FLT1: variants seen among roughly 807,000 people sequenced by gnomAD.
FLT1 encodes the protein fms related receptor tyrosine kinase 1.
A neutral mutation model predicts 156.3 loss-of-function variants in FLT1; 49 were observed. The ratio of observed to expected loss-of-function variants is 0.31; its 90% CI spans 0.25 to 0.40. FLT1 has a LOEUF of 0.40. FLT1 is among the 10% of genes least tolerant of loss of function. The probability of loss-of-function intolerance (pLI) is 1.00; values close to 1 mark genes in which losing one functional copy is unlikely to be tolerated. For synonymous variants in FLT1, 594 were observed against 583.8 expected, an observed-to-expected ratio of 1.02 and a Z score of -0.25; for missense variants, 1,322 against 1,637.2, an observed-to-expected ratio of 0.81 and a Z score of 3.32.
intron 28 of FLT1, among the ~76,000 whole-genome samples, chr13:28,307,588 C>T (rs1870802085): frequency 6.6e-6 from 1 of 151,848 alleles, no homozygotes; most frequent in African/African-American, 2.4e-5. Flanking sequence ...ATTTTTGATG[C>T]TTAAAATATT....
intron 15 of FLT1, among the ~76,000 whole-genome samples, chr13:28,354,165 A>G (rs922995067): frequency 6.6e-6 from 1 of 152,236 alleles, no homozygotes. Context: ...TCCCATTTCA[A>G]TTATAAAATT....
chr13:28,329,169 A>AC (rs1339644274), intron 19 of FLT1, among the ~76,000 whole-genome samples: 18 of 151,996 alleles, frequency 1.2e-4, no homozygotes, highest in African/African-American at 4.1e-4. Flanking sequence ...CTCTGTCCCT[A>AC]CCCCCTTGGG....
intron 12 of FLT1, among the ~76,000 whole-genome samples, chr13:28,392,043 G>A (rs547386637): frequency 2.0e-5 from 3 of 152,272 alleles, no homozygotes; most frequent in South Asian, 2.1e-4. Flanking sequence ...ACCTTTAAAC[G>A]TTAAGGGGAC....
In FLT1 at chr13:28,494,792, G is replaced by T; in HGVS notation, c.52C>A (p.Leu18Met). The change falls in exon 1 of 30, where the codon CTG becomes ATG. Residue 18 changes from leucine to methionine, a missense_variant. By Grantham distance (15) the Leu-to-Met change is conservative. This residue lies in a region of FLT1 where 991 missense variants were observed against 1,254.8 expected (regional missense o/e 0.79). Coordinates refer to ENST00000282397, the MANE Select transcript of FLT1 (RefSeq NM_002019.4). ...AGCCGCGCCTCACCTGTGAGAAGCA[G>T]ACAGCTGAGCAGCGCGCACAGCAGG... ...GVLLCALLSC[L>M]LLTGSSSGSK... 6.4e-7 allele frequency: 1 copy of T among 1,573,754 alleles called. No homozygotes were observed.
chr13:28,377,803 T>G (rs945287951), intron 14 of FLT1, among the ~76,000 whole-genome samples: 6 of 152,190 alleles, frequency 3.9e-5, no homozygotes, highest in Admixed American at 3.3e-4. Flanking sequence ...TAAAAATGCT[T>G]TATGTGTTTT....
In FLT1 at chr13:28,311,627, C is replaced by T. The variant is rs770692157; in HGVS notation, c.3598G>A (p.Ala1200Thr). 6.2e-7 allele frequency: 1 copy of T among 1,613,780 alleles called. No individual in the cohort carries two copies. Among genetic ancestry groups the T allele is most frequent in the East Asian group, 2.2e-5 (1 of 44,844 alleles). Reference protein sequence around the residue: ...SEDFFKESISAPKFNSGSSDD... With the variant: ...SEDFFKESISTPKFNSGSSDD... ...GAGCTTCCTGAATTAAACTTCGGAG[C>T]TGAAATACTTTCCTTGAAGAAGTCC... Residue 1200 changes from alanine to threonine, a missense_variant, in exon 27 of 30, where the codon GCT (alanine) becomes ACT (threonine). By Grantham distance (58) the Ala-to-Thr change is moderately conservative. Around this residue, in one of 3 missense-constraint regions of FLT1, gnomAD observed 329 missense variants for 366.2 expected, o/e 0.90. Transcript: ENST00000282397.
intron 15 of FLT1, among the ~76,000 whole-genome samples, chr13:28,356,655 G>A (rs1004244020): frequency 6.6e-6 from 1 of 152,108 alleles, no homozygotes; most frequent in African/African-American, 2.4e-5. Context: ...AGTTTCAGGG[G>A]GAAAAAAACT....
chr13:28,351,788 CACCT>C (rs2138866379), intron 15 of FLT1, among the ~76,000 whole-genome samples: 1 of 152,344 alleles, frequency 6.6e-6, no homozygotes, highest in African/African-American at 2.4e-5. Context: ...TGGCTTAGAA[CACCT>C]TTTAGGTGAC....
chr13:28,304,694 C>T (rs539418070), intron 29 of FLT1, among the ~76,000 whole-genome samples: 46 of 152,226 alleles, frequency 3.0e-4, no homozygotes, highest in African/African-American at 7.2e-4. Flanking sequence ...TTCTTCCTCA[C>T]GCCCTCCAGC....
intron 29 of FLT1, among the ~76,000 whole-genome samples, chr13:28,303,624 G>A (rs1213684092): frequency 6.6e-6 from 1 of 151,898 alleles, no homozygotes; most frequent in Admixed American, 6.6e-5. Flanking sequence ...ATAAGATAAC[G>A]CAAATCCATA....
intron 18 of FLT1, among the ~76,000 whole-genome samples, chr13:28,331,449 G>A (rs549275433): frequency 1.3e-5 from 2 of 152,278 alleles, no homozygotes; most frequent in South Asian, 4.1e-4. Context: ...CTTTTGTTTT[G>A]AGACGGAGTC....
intron 24 of FLT1, 141 bp downstream of exon 24, chr13:28,319,282 G>C: frequency 2.9e-6 from 2 of 683,866 alleles, no homozygotes; most frequent in South Asian, 3.0e-5. Context: ...TCATCTGAGA[G>C]TCTACATGGG....
intron 14 of FLT1, among the ~76,000 whole-genome samples, chr13:28,372,566 G>GTATACATATATATATATATATA (rs1555232433): frequency 2.0e-4 from 18 of 91,458 alleles, no homozygotes; most frequent in Admixed American, 1.2e-3. Flanking sequence ...TAAATAAAAT[G>GTATACATATATATATATATATA]TATATATATA....
intron 14 of FLT1, among the ~76,000 whole-genome samples, chr13:28,377,734 A>T (rs1318397553): frequency 6.6e-6 from 1 of 152,204 alleles, no homozygotes; most frequent in African/African-American, 2.4e-5. Context: ...TTTACAACTT[A>T]AAAGTAACAC....
Position 28,397,099 on chromosome 13 carries a change from A to G in FLT1, c.1552-31T>C, listed in dbSNP as rs774267051. On this transcript the variant is annotated intron_variant, in intron 11 of 29. Transcript: ENST00000282397. ...AAAGAAAAGGAAACTTTAGCTAGCA[A>G]CAGGACAAATAACTAATTGAACACC... The G allele has an allele frequency of 3.8e-6, 5 of 1,323,596 alleles. No homozygotes were observed. In the South Asian group the frequency reaches 4.7e-5, roughly 12 times the overall value. The allele number at this position is 1,323,596 out of a possible 1,614,324, so 82.0% of individuals were successfully genotyped here. A position where few individuals can be genotyped will look rare whatever the true frequency, so the allele number is the denominator to read the frequency against.
In FLT1 at chr13:28,306,689, C is replaced by T. The variant is rs765012109; in HGVS notation, c.3804G>A (p.Ser1268=). 55 of 1,611,504 alleles carry T rather than the reference C, an allele frequency of 3.4e-5. No individual in the cohort carries two copies. The highest frequency in any genetic ancestry group is 6.7e-5 in the East Asian group (3 of 44,880). The part of the protein sequence containing the change: ...FTWTDSKPKA[S]LKIDLRVTSK... ...TACCCAATTCTTACTCAATCTTGAG[C>T]GAGGCCTTGGGTTTGCTGTCAGTCC... Residue 1268 remains serine, a synonymous_variant, in exon 29 of 30, where the codon TCG becomes TCA. Coordinates refer to ENST00000282397, the MANE Select transcript of FLT1 (RefSeq NM_002019.4).
chr13:28,405,053 C>T (rs1875699916), intron 11 of FLT1, among the ~76,000 whole-genome samples: 1 of 151,518 alleles, frequency 6.6e-6, no homozygotes, highest in African/African-American at 2.4e-5. Context: ...AAAAGAATCA[C>T]TATCCCTGTG....
chr13:28,316,452 T>A (rs1281881701), intron 25 of FLT1, among the ~76,000 whole-genome samples: 1 of 152,106 alleles, frequency 6.6e-6, no homozygotes, highest in South Asian at 2.1e-4. Context: ...TCCACAAAAG[T>A]GCAAGTGTCA....
At chr13:28,372,573 TA>T (rs1873660105) in intron 14 of FLT1, among the ~76,000 whole-genome samples, 1 of 21,248 alleles carries the variant, frequency 4.7e-5, no homozygotes, top group Non-Finnish European at 9.7e-5. Flanking sequence ...AATGTATATA[TA>T]TATATATATA....
Sources: allele counts gnomAD v4.1 joint callset (sites outside exome capture counted in the v4.1 genomes callset), GRCh38; gene constraint gnomAD v4.1.1; regional missense constraint gnomAD v4.1.1; transcripts MANE v1.5; gene names NCBI Gene and HGNC (gene_info 2026-07-23, HGNC 2026-07-21).